Variants in MPO observed in about 807,000 individuals in gnomAD.
The protein encoded by MPO is myeloperoxidase.
In MPO, 57 loss-of-function variants were observed where a neutral mutation model predicts 69.4. The ratio of observed to expected loss-of-function variants is 0.82; its 90% CI spans 0.66 to 1.02. The LOEUF (loss-of-function observed/expected upper bound fraction) is 1.02. Ranked by LOEUF, MPO falls within the 50% of genes least tolerant of loss-of-function variation. The pLI, the probability that MPO is intolerant of heterozygous loss-of-function variation, is 0.00. For missense variants in MPO, 971 were observed against 1,014.1 expected (o/e 0.96, Z 0.58); for synonymous variants, 426 against 417.1 (o/e 1.02, Z -0.26).
In MPO at chr17:58,278,004, A is replaced by G. The variant is rs1370073851; in HGVS notation, c.1027T>C (p.Tyr343His). ...LTSFVDASMVYGSEEPLARNL... is the reference protein window; with the variant it reads ...LTSFVDASMVHGSEEPLARNL... ...CTGGCCAGGGGCTCCTCGCTGCCGT[A>G]CACCATGCTGGCGTCCACGAAGGAA... Residue 343 changes from tyrosine (Y) to histidine (H), a missense_variant, in exon 7 of 12, where the codon TAC (tyrosine) becomes CAC (histidine). Transcript: ENST00000225275. 6.2e-7 allele frequency: 1 copy of G among 1,613,828 alleles called. No homozygotes were observed. The highest frequency in any genetic ancestry group is 1.7e-5 in the Admixed American group (1 of 60,010).
In MPO at chr17:58,279,384, G is replaced by A; in HGVS notation, c.591C>T (p.Arg197=). Residue 197 remains arginine (R), a synonymous_variant, in exon 5 of 12, where the codon CGC becomes CGT. Coordinates refer to ENST00000225275, the MANE Select transcript of MPO (RefSeq NM_000250.2). The part of the protein sequence containing the change: ...TLGASNRAFV[R]WLPAEYEDGF... ...CGTCCTCATACTCCGCCGGCAGCCA[G>A]CGCACAAAGGCACGGTTGGAGGCCC... is the stretch of plus-strand genomic sequence containing the variant. 6.2e-7 allele frequency: 1 copy of A among 1,604,224 alleles called. No homozygotes were observed. Among genetic ancestry groups the A allele is most frequent in the Non-Finnish European group, 8.5e-7 (1 of 1,175,644 alleles).
At chr17:58,278,875 G>A in intron 6 of MPO, 133 bp downstream of exon 6, 1 of 1,096,454 alleles carries the variant, frequency 9.1e-7, no homozygotes, top group Non-Finnish European at 1.3e-6. Flanking sequence ...AGCCAGTGCT[G>A]TGGACACAAG....
intron 8 of MPO, among the ~76,000 whole-genome samples, chr17:58,274,389 T>A (rs1416485541): frequency 2.0e-5 from 3 of 151,552 alleles, no homozygotes; most frequent in Non-Finnish European, 4.4e-5. Flanking sequence ...TGTGTGAGTG[T>A]GTGTATGTCT....
At position 58,270,026 on chromosome 17, in the gene MPO, A is replaced by G. The variant is rs1463719829; in HGVS notation, c.*630T>C. ...GGCCTGAGCCTGGCTGGCTGGGCCC[A>G]TAAGTCAACCACACAGCCCAGCTGC... On this transcript the variant is annotated 3_prime_UTR_variant, in exon 12 of 12. Transcript: ENST00000225275. The surrounding 1 kb of genome is among the most constrained non-coding windows in gnomAD (Gnocchi z 4.1). 1 of 154,958 alleles carries G rather than the reference A, an allele frequency of 6.5e-6. No homozygotes were observed. Among genetic ancestry groups the G allele is most frequent in the Non-Finnish European group, 1.4e-5 (1 of 69,776 alleles). The allele number at this position is 154,958 out of a possible 1,614,324, so 9.6% of individuals were successfully genotyped here. A position where few individuals can be genotyped will look rare whatever the true frequency, so the allele number is the denominator to read the frequency against.
rs1183313797 is a variant in MPO at position 58,280,477 on chromosome 17, C to T, written c.155-18G>A. 6.2e-7 allele frequency: 1 copy of T among 1,613,892 alleles called. No individual in the cohort carries two copies. Among genetic ancestry groups the T allele is most frequent in the East Asian group, 2.2e-5 (1 of 44,836 alleles). ...CAGGACAGCTGCCCAGAGCAGGGAT[C>T]ACAAAGTCAGGAATGGGCCCCAACC... On this transcript the variant is annotated intron_variant, in intron 1 of 11. Transcript: ENST00000225275.
intron 6 of MPO, among the ~76,000 whole-genome samples, chr17:58,278,623 T>C (rs1970469936): frequency 1.3e-5 from 2 of 152,112 alleles, no homozygotes; most frequent in Non-Finnish European, 2.9e-5. Flanking sequence ...GGGTTGGGGC[T>C]GCCCTCTCAG....
chr17:58,270,659 G>A lies in MPO; in HGVS notation c.2235C>T (p.Ser745=). 1.2e-6 allele frequency: 2 copies of A among 1,609,382 alleles called. No homozygotes were observed. The highest frequency in any genetic ancestry group is 2.2e-5 in the East Asian group (1 of 44,752). ...ALNLASWREA[S] is the part of the protein sequence containing the mutation. ...GCTGCACCCCCTTACCTGGCCTCTA[G>A]GAGGCTTCCCTCCAGGAAGCCAGGT... Residue 745 remains serine (S), a synonymous_variant, in exon 12 of 12, where the codon TCC becomes TCT. Transcript: ENST00000225275. This position sits in a 1 kb window ranked among gnomAD's most constrained non-coding sequence, Gnocchi z 4.1.
At position 58,279,939 on chromosome 17, in the gene MPO, G is replaced by A. The variant is rs1188756144; in HGVS notation, c.324C>T (p.Ala108=). The A allele has an allele frequency of 1.2e-6, 2 of 1,613,874 alleles. No homozygotes were observed. Among genetic ancestry groups the A allele is most frequent in the South Asian group, 2.2e-5 (2 of 91,072 alleles). ...LLSYFKQPVA[A]TRTAVRAADY... ...CAGCGGCCCTCACCGCCGTCCTGGT[G>A]GCTGCCACCGGCTGCTTGAAGTAGG... The change falls in exon 3 of 12, where the codon GCC becomes GCT. Residue 108 remains alanine, a synonymous_variant. Coordinates refer to ENST00000225275, the MANE Select transcript of MPO (RefSeq NM_000250.2).
intron 6 of MPO, 21 bp from the exon 7 acceptor site, chr17:58,278,166 A>G (rs765024519): frequency 1.3e-6 from 2 of 1,599,232 alleles, no homozygotes; most frequent in Non-Finnish European, 1.7e-6. Context: ...GAGAGAGGCT[A>G]GACTGGCTCA....
At position 58,279,419 on chromosome 17, in the gene MPO, GGC is replaced by G. The variant is rs748326361; in HGVS notation, c.554_555del (p.Ser185ThrfsTer19). 8.7e-6 allele frequency: 14 copies of G among 1,610,020 alleles called. No homozygotes were observed. The African/African-American group carries it at 1.9e-4, about 21-fold the overall frequency. ...TITGMCNNRR[S>X]PTLGASNRAF... ...GCACGGTTGGAGGCCCCCAGCGTGG[GGC>G]TGCGTCTGCAGGGGAGGACAGGGCG... On this transcript the variant is annotated frameshift_variant, in exon 5 of 12. Coordinates refer to ENST00000225275, the MANE Select transcript of MPO (RefSeq NM_000250.2). LOFTEE classifies it high-confidence loss of function.
At chr17:58,271,943 G>C in intron 10 of MPO, 51 bp from the exon 11 acceptor site, 1 of 1,584,698 alleles carries the variant, frequency 6.3e-7, no homozygotes. Flanking sequence ...CTGCTTCAAG[G>C]TGGGGAGGTC....
At chr17:58,278,493 C>T (rs184438061) in intron 6 of MPO, among the ~76,000 whole-genome samples, 44 of 152,276 alleles carry the variant, frequency 2.9e-4, no homozygotes, top group Non-Finnish European at 5.7e-4. Flanking sequence ...CTCTCTCAGG[C>T]GCTCTCTCCT....
At chr17:58,278,887 G>A (rs887700715) in intron 6 of MPO, 121 bp downstream of exon 6, 3 of 1,191,596 alleles carry the variant, frequency 2.5e-6, no homozygotes, top group Non-Finnish European at 3.6e-6. Flanking sequence ...GGACACAAGG[G>A]AGGCAGGGCC....
At chr17:58,276,015 A>G (rs569392849) in intron 7 of MPO, among the ~76,000 whole-genome samples, 1 of 152,322 alleles carries the variant, frequency 6.6e-6, no homozygotes, top group Non-Finnish European at 1.5e-5. Flanking sequence ...CACAGGACCA[A>G]GGCTTGTGCC....
chr17:58,280,492 G>A, intron 1 of MPO, 33 bp from the exon 2 acceptor site: 4 of 1,613,520 alleles, frequency 2.5e-6, no homozygotes, highest in African/African-American at 1.3e-5. Flanking sequence ...AGTCAGGAAT[G>A]GGCCCCAACC....
At chr17:58,278,356 C>T (rs1391465518) in intron 6 of MPO, among the ~76,000 whole-genome samples, 1 of 152,178 alleles carries the variant, frequency 6.6e-6, no homozygotes. Context: ...GGAACCTGGG[C>T]AACCCCTGGG....
Position 58,271,774 on chromosome 17 carries a change from G to C in MPO, c.1911C>G (p.Pro637=). The change falls in exon 11 of 12, where the codon CCC becomes CCG. Residue 637 remains proline, a synonymous_variant. Coordinates refer to ENST00000225275, the MANE Select transcript of MPO (RefSeq NM_000250.2). ...CGCCCATCCAGATGTCGATGTTGTT[G>C]GGCGTGCCATACTGCTCCATCAGTT... ...ARKLMEQYGT[P]NNIDIWMGGV... is the part of the protein sequence containing the mutation. The C allele has an allele frequency of 6.2e-7, 1 of 1,614,144 alleles. No individual in the cohort carries two copies. The highest frequency in any genetic ancestry group is 8.5e-7 in the Non-Finnish European group (1 of 1,180,046).
At position 58,275,743 on chromosome 17, in the gene MPO, TC is replaced by T; in HGVS notation, c.1205-42del. On this transcript the variant is annotated intron_variant, in intron 7 of 11. Transcript: ENST00000225275. The surrounding 1 kb of genome is among the most constrained non-coding windows in gnomAD (Gnocchi z 4.1). The stretch of plus-strand genomic sequence containing the variant: ...GCCACTGTCATTCTTAAGGCCTCCA[TC>T]CCAGAAAAGATTTGCTCCACTGAAA... 6.2e-7 allele frequency: 1 copy of T among 1,612,240 alleles called. No individual in the cohort carries two copies. Among genetic ancestry groups the T allele is most frequent in the Non-Finnish European group, 8.5e-7 (1 of 1,179,084 alleles).
In MPO at chr17:58,275,433, A is replaced by T; in HGVS notation, c.1365+109T>A. On this transcript the variant is annotated intron_variant, in intron 8 of 11. Transcript: ENST00000225275. This position sits in a 1 kb window ranked among gnomAD's most constrained non-coding sequence, Gnocchi z 4.1. Reference sequence around the variant, plus strand: ...TATTATAATCCTTACAGCCTCATGGATGAAGAAGGCAAGGCTCAGGAGCGT... The same window carrying T: ...TATTATAATCCTTACAGCCTCATGGTTGAAGAAGGCAAGGCTCAGGAGCGT... 7.2e-7 allele frequency: 1 copy of T among 1,387,486 alleles called. No homozygotes were observed. Among genetic ancestry groups the T allele is most frequent in the East Asian group, 2.3e-5 (1 of 43,460 alleles). 85.9% of individuals were successfully genotyped at this position (1,387,486 alleles called of 1,614,324 possible).
Sources: allele counts gnomAD v4.1 joint callset (sites outside exome capture counted in the v4.1 genomes callset), GRCh38; gene constraint gnomAD v4.1.1; non-coding constraint Gnocchi (gnomAD v3.1); transcripts MANE v1.5; gene names NCBI Gene and HGNC (gene_info 2026-07-23, HGNC 2026-07-21).